The following FAM200B variants were observed in gnomAD, a reference collection of about 807,000 sequenced individuals.
FAM200B encodes the protein protein FAM200B.
Under a neutral mutation model 33.1 loss-of-function variants are expected in FAM200B, and 32 were observed. The observed-to-expected ratio is 0.97, with a 90% CI of 0.73 to 1.30. The LOEUF (loss-of-function observed/expected upper bound fraction) is 1.30, where lower values mean the gene tolerates loss of function less well. FAM200B is among the 50% of genes most tolerant of loss of function. The probability of loss-of-function intolerance (pLI) is 0.00; values close to 1 mark genes in which losing one functional copy is unlikely to be tolerated. For synonymous variants in FAM200B, 240 were observed against 264.8 expected (o/e 0.91, Z 0.91); for missense variants, 741 against 754.0 (o/e 0.98, Z 0.20).
the FAM200B span, among the ~76,000 whole-genome samples, chr4:15,640,215 A>G: frequency 2.0e-5 from 3 of 151,874 alleles, no homozygotes; most frequent in East Asian, 5.8e-4. Flanking sequence ...TGATTTTTTT[A>G]ATTTTTAGCA....
chr4:15,639,847 G>A, the FAM200B span, among the ~76,000 whole-genome samples: 14 of 152,244 alleles, frequency 9.2e-5, no homozygotes, highest in South Asian at 2.5e-3. Context: ...TGATTATAAG[G>A]TGAAGCTATA....
intron 1 of FAM200B, among the ~76,000 whole-genome samples, chr4:15,683,802 C>A (rs1256814632): frequency 6.6e-6 from 1 of 152,144 alleles, no homozygotes; most frequent in Non-Finnish European, 1.5e-5. Flanking sequence ...AGTTGGATAA[C>A]TTATTTGTTA....
chr4:15,637,667 T>G, the FAM200B span, among the ~76,000 whole-genome samples: 3 of 152,218 alleles, frequency 2.0e-5, no homozygotes, highest in Non-Finnish European at 4.4e-5. Flanking sequence ...TAGCTTGGTA[T>G]CTAAAGCACA....
chr4:15,682,264 C>T (rs976863235), intron 1 of FAM200B, among the ~76,000 whole-genome samples: 1 of 152,164 alleles, frequency 6.6e-6, no homozygotes, highest in Non-Finnish European at 1.5e-5. Flanking sequence ...AAGGGAAATG[C>T]AAGAGGTGGA....
chr4:15,674,966 ATAAAT>A, the FAM200B span, among the ~76,000 whole-genome samples: 2 of 152,110 alleles, frequency 1.3e-5, no homozygotes, highest in African/African-American at 4.8e-5. Context: ...GTTTTTAATG[ATAAAT>A]TAATTTGTCA....
chr4:15,661,915 C>T, the FAM200B span, among the ~76,000 whole-genome samples: 16 of 152,328 alleles, frequency 1.1e-4, no homozygotes, highest in African/African-American at 3.8e-4. Context: ...CTCACATCCT[C>T]ATAGGCTGTT....
rs760087023 is a variant in FAM200B, at chr4:15,687,715, A to G, written c.738A>G (p.Arg246=). 3.0e-5 allele frequency: 47 copies of G among 1,551,082 alleles called. No homozygotes were observed. The African/African-American group carries it at 5.7e-4, about 19-fold the overall frequency. Residue 246 remains arginine (R), a synonymous_variant, in exon 2 of 2, where the codon AGA becomes AGG. Coordinates refer to ENST00000422728, the MANE Select transcript of FAM200B (RefSeq NM_001145191.2). ...GCACAACACTTTTAGTTTATGTCAG[A>G]TATGCGTGGCAAGATGATTTTTTGG... ...GSCTTLLVYV[R]YAWQDDFLED...
rs1718861481 is a variant in FAM200B, at chr4:15,686,537, G to A, written c.-441G>A. On this transcript the variant is annotated 5_prime_UTR_variant, in exon 2 of 2. Coordinates refer to ENST00000422728, the MANE Select transcript of FAM200B (RefSeq NM_001145191.2). ...GGTATATGTGAGACCCATTAGTGAG[G>A]CATGAAATCAATTCTGTGAGTCACA... 1 of 153,332 alleles carries A rather than the reference G, an allele frequency of 6.5e-6. No homozygotes were observed. Among genetic ancestry groups the A allele is most frequent in the Non-Finnish European group, 1.5e-5 (1 of 68,898 alleles). 9.5% of individuals were successfully genotyped at this position (153,332 alleles called of 1,614,324 possible).
the FAM200B span, among the ~76,000 whole-genome samples, chr4:15,667,680 T>A: frequency 6.6e-6 from 1 of 152,134 alleles, no homozygotes; most frequent in East Asian, 1.9e-4. Flanking sequence ...TGAGAAGCAA[T>A]TAATGATGAA....
chr4:15,678,679 T>C (rs1335997045), upstream of FAM200B, among the ~76,000 whole-genome samples: 3 of 152,240 alleles, frequency 2.0e-5, no homozygotes, highest in Non-Finnish European at 4.4e-5. Flanking sequence ...TAAAATTGGT[T>C]TCTTATAATT....
rs1024820430 is a variant in FAM200B, at chr4:15,688,614, C to G, written c.1637C>G (p.Pro546Arg). Residue 546 changes from proline (P) to arginine (R), a missense_variant, in exon 2 of 2, where the codon CCT (proline) becomes CGT (arginine). By Grantham distance (103) the Pro-to-Arg change is moderately radical. Coordinates refer to ENST00000422728, the MANE Select transcript of FAM200B (RefSeq NM_001145191.2). ...WVKDPFAFRHPESIIELNLVP... is the reference protein window; with the variant it reads ...WVKDPFAFRHRESIIELNLVP... ...AAAGATCCATTTGCTTTTCGACACC[C>G]TGAATCAATAATTGAGCTAAACTTG... The G allele has an allele frequency of 4.5e-6, 7 of 1,550,982 alleles. No individual in the cohort carries two copies. Among genetic ancestry groups the G allele is most frequent in the Admixed American group, 3.9e-5 (2 of 50,968 alleles).
At chr4:15,640,683 T>A in the FAM200B span, 1 of 536,434 alleles carries the variant, frequency 1.9e-6, no homozygotes, top group East Asian at 3.2e-5. Flanking sequence ...CTTCTCTCCA[T>A]CAACCAGATA....
chr4:15,671,235 T>G, the FAM200B span, among the ~76,000 whole-genome samples: 1 of 152,042 alleles, frequency 6.6e-6, no homozygotes, highest in Non-Finnish European at 1.5e-5. Flanking sequence ...GGGCATGTAA[T>G]TTTAGGTTGA....
At chr4:15,680,606 G>A (rs892657770), upstream of FAM200B, among the ~76,000 whole-genome samples, 10 of 152,078 alleles carry the variant, frequency 6.6e-5, no homozygotes, top group African/African-American at 2.4e-4. Context: ...GAACCAGGAG[G>A]CTGAGGTTGC....
At chr4:15,673,905 A>C in the FAM200B span, among the ~76,000 whole-genome samples, 1 of 152,234 alleles carries the variant, frequency 6.6e-6, no homozygotes, top group East Asian at 1.9e-4. Context: ...CAATCATAGG[A>C]CTCACTTTGT....
chr4:15,684,486 G>T (rs144349409), intron 1 of FAM200B, among the ~76,000 whole-genome samples: 1 of 152,274 alleles, frequency 6.6e-6, no homozygotes, highest in South Asian at 2.1e-4. Flanking sequence ...TAAATATCTA[G>T]GGAGAGGTGG....
chr4:15,665,315 G>A, the FAM200B span, among the ~76,000 whole-genome samples: 9 of 152,158 alleles, frequency 5.9e-5, no homozygotes, highest in Admixed American at 6.5e-5. Context: ...CATCAGATGC[G>A]GTGTCAGGCA....
chr4:15,666,807 C>G, the FAM200B span, among the ~76,000 whole-genome samples: 8 of 151,642 alleles, frequency 5.3e-5, no homozygotes, highest in Non-Finnish European at 8.8e-5. Context: ...GGTGACAGAG[C>G]TGCTACCTGT....
the FAM200B span, among the ~76,000 whole-genome samples, chr4:15,644,017 C>T: frequency 6.6e-6 from 1 of 152,158 alleles, no homozygotes; most frequent in Non-Finnish European, 1.5e-5. Flanking sequence ...TGACCTTATA[C>T]TCTGTTCTTG....
Sources: allele counts gnomAD v4.1 joint callset (sites outside exome capture counted in the v4.1 genomes callset), GRCh38; gene constraint gnomAD v4.1.1; transcripts MANE v1.5; gene names NCBI Gene and HGNC (gene_info 2026-07-23, HGNC 2026-07-21).